The following GALNTL6 variants were observed in gnomAD, a reference collection of about 807,000 sequenced individuals.
The protein encoded by GALNTL6 is polypeptide N-acetylgalactosaminyltransferase-like 6.
GALNTL6 carries 46 observed loss-of-function variants against 73.7 expected under a neutral mutation model. The ratio of observed to expected loss-of-function variants is 0.62; its 90% confidence interval spans 0.49 to 0.80. GALNTL6 has a LOEUF of 0.80. Ranked by LOEUF, GALNTL6 falls within the 30% of genes least tolerant of loss-of-function variation. The pLI, the probability that GALNTL6 is intolerant of heterozygous loss-of-function variation, is 0.00. For synonymous variants in GALNTL6, 259 were observed against 263.7 expected (o/e 0.98, Z 0.17); for missense variants, 604 against 755.0 (o/e 0.80, Z 2.34).
At chr4:172,825,788 T>A (rs1408943182) in intron 7 of GALNTL6, among the ~76,000 whole-genome samples, 3 of 152,150 alleles carry the variant, frequency 2.0e-5, no homozygotes, top group Non-Finnish European at 4.4e-5. Context: ...CTGAGAGAAC[T>A]GGGATTTGCA....
At chr4:171,987,610 T>C (rs866799877) in intron 2 of GALNTL6, among the ~76,000 whole-genome samples, 1 of 152,294 alleles carries the variant, frequency 6.6e-6, no homozygotes, top group Middle Eastern at 3.4e-3. Context: ...GCCTGAATAA[T>C]CCCTGAGGAG....
intron 5 of GALNTL6, among the ~76,000 whole-genome samples, chr4:172,796,797 C>T (rs528005506): frequency 1.0e-3 from 149 of 146,136 alleles, no homozygotes; most frequent in African/African-American, 3.7e-3. Flanking sequence ...GGGGAGTTTC[C>T]GTAGCCTTGG....
chr4:172,761,478 T>G (rs10031191), intron 5 of GALNTL6, among the ~76,000 whole-genome samples: 6,822 of 152,292 alleles, frequency 0.045, 274 homozygotes, highest in African/African-American at 0.1. Flanking sequence ...TCTATATGTT[T>G]GATATAGTTT....
rs555845651 is a variant in GALNTL6, at chr4:172,446,937, C to T, written c.553+98248C>T. ...CTCCAATCCACATGCTATTATTTTT[C>T]TCAAAAATATTGCTTTGTGTGAAGT... On this transcript the variant is annotated intron_variant, in intron 5 of 12. Transcript: ENST00000506823. Among the ~76,000 whole-genome samples, 46 of 152,240 alleles carry T rather than the reference C, an allele frequency of 3.0e-4. No individual in the cohort carries two copies. The South Asian group carries it at 9.3e-3, about 31-fold the overall frequency.
chr4:172,095,118 G>A (rs1287045234), intron 2 of GALNTL6, among the ~76,000 whole-genome samples: 4 of 150,758 alleles, frequency 2.7e-5, no homozygotes, highest in Admixed American at 2.6e-4. Flanking sequence ...GTTAGGGAGG[G>A]TCCAAAAAGA....
At chr4:173,032,497 G>A (rs1194793512) in intron 12 of GALNTL6, among the ~76,000 whole-genome samples, 1 of 150,596 alleles carries the variant, frequency 6.6e-6, no homozygotes, top group Non-Finnish European at 1.5e-5. Context: ...CCCAGCCTGG[G>A]CAACATGGCA....
intron 7 of GALNTL6, among the ~76,000 whole-genome samples, chr4:172,865,448 G>T (rs1744613741): frequency 6.6e-6 from 1 of 152,166 alleles, no homozygotes; most frequent in African/African-American, 2.4e-5. Flanking sequence ...TTTGGCTGAA[G>T]TCTTTCTGTT....
chr4:172,105,500 C>G (rs1332993995), intron 2 of GALNTL6, among the ~76,000 whole-genome samples: 1 of 151,758 alleles, frequency 6.6e-6, no homozygotes, highest in East Asian at 1.9e-4. Flanking sequence ...GAAAAACACT[C>G]TGTCCCAAAA....
chr4:172,105,374 C>T (rs1199338496), intron 2 of GALNTL6, among the ~76,000 whole-genome samples: 1 of 151,756 alleles, frequency 6.6e-6, no homozygotes, highest in East Asian at 1.9e-4. Flanking sequence ...GCTCCAAAAT[C>T]CCACTAGTGA....
intron 5 of GALNTL6, among the ~76,000 whole-genome samples, chr4:172,551,253 TATAA>T (rs1241253363): frequency 6.6e-6 from 1 of 152,184 alleles, no homozygotes; most frequent in African/African-American, 2.4e-5. Flanking sequence ...TAATTGAAAT[TATAA>T]ATACTCACTT....
At chr4:171,982,372 A>C (rs982668046) in intron 2 of GALNTL6, among the ~76,000 whole-genome samples, 1 of 152,082 alleles carries the variant, frequency 6.6e-6, no homozygotes, top group Non-Finnish European at 1.5e-5. Context: ...ATCTCGGCCC[A>C]CTGCAAGCTC....
intron 2 of GALNTL6, among the ~76,000 whole-genome samples, chr4:172,176,581 G>T (rs1172485526): frequency 6.6e-6 from 1 of 151,908 alleles, no homozygotes; most frequent in African/African-American, 2.4e-5. Flanking sequence ...CTTGAGGTAA[G>T]GAGTTTGAGA....
At chr4:172,124,894 G>GA (rs1011154048) in intron 2 of GALNTL6, among the ~76,000 whole-genome samples, 5 of 149,450 alleles carry the variant, frequency 3.3e-5, no homozygotes, top group South Asian at 2.1e-4. Flanking sequence ...CTGGTTACAT[G>GA]AAAAAAAAAA....
At chr4:172,396,843 A>G (rs1021870094) in intron 5 of GALNTL6, among the ~76,000 whole-genome samples, 1 of 152,242 alleles carries the variant, frequency 6.6e-6, no homozygotes, top group African/African-American at 2.4e-5. Context: ...TGAATGCAAT[A>G]GTTAAATAAG....
At chr4:171,976,859 A>C (rs1180635135) in intron 2 of GALNTL6, among the ~76,000 whole-genome samples, 5 of 152,226 alleles carry the variant, frequency 3.3e-5, no homozygotes, top group Non-Finnish European at 7.3e-5. Flanking sequence ...TCTAAAGAAT[A>C]CAAGAAAAAT....
chr4:173,026,517 T>C (rs1215863236), intron 12 of GALNTL6, among the ~76,000 whole-genome samples: 5 of 152,236 alleles, frequency 3.3e-5, no homozygotes, highest in Non-Finnish European at 7.3e-5. Flanking sequence ...TGGAAAGGCC[T>C]GAAGGGCCAT....
At chr4:172,794,126 G>A (rs1471524799) in intron 5 of GALNTL6, among the ~76,000 whole-genome samples, 2 of 152,138 alleles carry the variant, frequency 1.3e-5, no homozygotes, top group African/African-American at 2.4e-5. Context: ...GCAGATTCCA[G>A]TACTAATAAA....
At chr4:172,019,646 C>T (rs902457068) in intron 2 of GALNTL6, among the ~76,000 whole-genome samples, 6 of 152,124 alleles carry the variant, frequency 3.9e-5, no homozygotes, top group Admixed American at 1.3e-4. Context: ...ATCCACCCAA[C>T]ACTGGAGCAC....
chr4:172,855,279 T>C (rs1264484500), intron 7 of GALNTL6, among the ~76,000 whole-genome samples: 1 of 152,094 alleles, frequency 6.6e-6, no homozygotes, highest in Admixed American at 6.5e-5. Flanking sequence ...CTGTGGTGCT[T>C]AAGTTTGTCT....
Sources: allele counts gnomAD v4.1 joint callset (sites outside exome capture counted in the v4.1 genomes callset), GRCh38; gene constraint gnomAD v4.1.1; transcripts MANE v1.5; gene names NCBI Gene and HGNC (gene_info 2026-07-23, HGNC 2026-07-21).